The following DGKH variants were observed in gnomAD, a reference collection of about 807,000 sequenced individuals.
The protein encoded by DGKH is DAG kinase eta.
Under a neutral mutation model 159.3 loss-of-function variants are expected in DGKH, and 90 were observed. That is an observed-to-expected ratio of 0.57 (90% CI 0.48 to 0.67). The LOEUF is 0.67. Among genes scored for constraint, DGKH ranks in the 30% least tolerant of loss-of-function variants. The pLI, the probability that DGKH is intolerant of heterozygous loss-of-function variation, is 0.00. For missense variants in DGKH, 1,181 were observed against 1,506.1 expected, an observed-to-expected ratio of 0.78 and a Z score of 3.57; for synonymous variants, 536 against 553.8, an observed-to-expected ratio of 0.97 and a Z score of 0.45.
chr13:42,041,323 G>T (rs775623774), intron 1 of DGKH, among the ~76,000 whole-genome samples: 14 of 152,144 alleles, frequency 9.2e-5, no homozygotes, highest in Non-Finnish European at 1.9e-4. Context: ...CGCCCTGGTC[G>T]TCACCTGGGC....
At position 42,210,732 on chromosome 13, in the gene DGKH, T is replaced by C; in HGVS notation, c.2981T>C (p.Leu994Pro). 6.2e-7 allele frequency: 1 copy of C among 1,612,574 alleles called. No homozygotes were observed. The highest frequency in any genetic ancestry group is 8.5e-7 in the Non-Finnish European group (1 of 1,179,928). ...ACAGAAGAGGTGTCGCAGATGCAGC[T>C]ATGCTCCCAGGCTGCAGAGGAGCTC... ...LATEEVSQMQ[L>P]CSQAAEELIT... Residue 994 changes from leucine to proline, a missense_variant, in exon 24 of 30, where the codon CTA (leucine) becomes CCA (proline). By Grantham distance (98) the Leu-to-Pro change is moderately conservative. Coordinates refer to ENST00000337343, the MANE Select transcript of DGKH (RefSeq NM_178009.5).
Position 42,219,771 on chromosome 13 carries a change from A to G in DGKH, c.3419A>G (p.Lys1140Arg), listed in dbSNP as rs1228029937. Reference sequence around the variant, plus strand: ...AAGTTTAAAAAGGAAAAGGTTCAGAAGCAGAAGACAAGTTCACAGCCTGGT... The same window carrying G: ...AAGTTTAAAAAGGAAAAGGTTCAGAGGCAGAAGACAAGTTCACAGCCTGGT... ...VPKFKKEKVQ[K>R]QKTSSQPVQK... The change falls in exon 28 of 30, where the codon AAG becomes AGG. Residue 1140 changes from lysine to arginine, a missense_variant. By Grantham distance (26) the Lys-to-Arg change is conservative. This residue lies in a region of DGKH where 335 missense variants were observed against 495.2 expected (regional missense o/e 0.68). Coordinates refer to ENST00000337343, the MANE Select transcript of DGKH (RefSeq NM_178009.5). 1.2e-6 allele frequency: 2 copies of G among 1,613,550 alleles called. No individual in the cohort carries two copies. The highest frequency in any genetic ancestry group is 1.7e-5 in the Admixed American group (1 of 59,970).
chr13:42,102,106 G>A (rs1006295471), intron 1 of DGKH, among the ~76,000 whole-genome samples: 7 of 152,372 alleles, frequency 4.6e-5, no homozygotes, highest in South Asian at 2.1e-4. Flanking sequence ...GGGAAGGCAG[G>A]AAGGAAAGGG....
intron 1 of DGKH, among the ~76,000 whole-genome samples, chr13:42,098,246 G>A (rs1954583849): frequency 6.6e-6 from 1 of 152,158 alleles, no homozygotes; most frequent in African/African-American, 2.4e-5. Flanking sequence ...CAGTACTTTG[G>A]GAGGCCAAGG....
chr13:42,168,507 T>A lies in DGKH; in HGVS notation c.1186T>A (p.Trp396Arg). ...LVCGGDGSVGWVLSEIDKLNL... is the reference protein window; with the variant it reads ...LVCGGDGSVGRVLSEIDKLNL... The stretch of plus-strand genomic sequence containing the variant: ...TTGTGGAGGCGATGGAAGTGTAGGT[T>A]GGGTTTTGTCAGAAATCGATAAGCT... Residue 396 changes from tryptophan (W) to arginine (R), a missense_variant, in exon 10 of 30, where the codon TGG (tryptophan) becomes AGG (arginine). Transcript: ENST00000337343. 1 of 1,614,200 alleles carries A rather than the reference T, an allele frequency of 6.2e-7. No homozygotes were observed. Among genetic ancestry groups the A allele is most frequent in the Non-Finnish European group, 8.5e-7 (1 of 1,180,024 alleles).
At chr13:42,245,714 T>A (rs1958575840), downstream of DGKH, among the ~76,000 whole-genome samples, 2 of 152,024 alleles carry the variant, frequency 1.3e-5, no homozygotes, top group African/African-American at 4.8e-5. Context: ...GCCTCCCAAG[T>A]AGCTAGGACT....
chr13:42,191,195 A>G (rs1417183518), intron 16 of DGKH, among the ~76,000 whole-genome samples: 1 of 152,224 alleles, frequency 6.6e-6, no homozygotes, highest in African/African-American at 2.4e-5. Context: ...AAAAGTTTCT[A>G]ACGTACTGGA....
At chr13:42,073,466 A>G (rs1279505223) in intron 1 of DGKH, among the ~76,000 whole-genome samples, 3 of 152,190 alleles carry the variant, frequency 2.0e-5, no homozygotes, top group African/African-American at 7.2e-5. Flanking sequence ...GAATGCCCAT[A>G]CAACTATTCT....
At chr13:42,063,635 T>C (rs967147591) in intron 1 of DGKH, among the ~76,000 whole-genome samples, 10 of 152,068 alleles carry the variant, frequency 6.6e-5, no homozygotes, top group Admixed American at 5.9e-4. Flanking sequence ...GAAATGACTT[T>C]TTTAGGAGAA....
At chr13:42,095,039 G>A (rs1374817547) in intron 1 of DGKH, among the ~76,000 whole-genome samples, 1 of 152,052 alleles carries the variant, frequency 6.6e-6, no homozygotes, top group Non-Finnish European at 1.5e-5. Flanking sequence ...GGCCATGGAA[G>A]GAGCGGTGGG....
chr13:42,209,008 T>C lies in DGKH; in HGVS notation c.2651T>C (p.Ile884Thr), dbSNP rs1280412250. Reference protein sequence around the residue: ...FDDKILEVVAIFDSMQMAVSR... With the variant: ...FDDKILEVVATFDSMQMAVSR... ...GACAAGATCCTGGAAGTTGTAGCAA[T>C]ATTTGATAGCATGCAAATGGCAGTT... The change falls in exon 22 of 30, where the codon ATA becomes ACA. Residue 884 changes from isoleucine to threonine, a missense_variant. Physicochemically the swap from Ile to Thr is moderately conservative, Grantham distance 89 (BLOSUM62 -1). Transcript: ENST00000337343. The C allele has an allele frequency of 6.2e-7, 1 of 1,613,104 alleles. No homozygotes were observed. The highest frequency in any genetic ancestry group is 8.5e-7 in the Non-Finnish European group (1 of 1,179,562).
intron 1 of DGKH, among the ~76,000 whole-genome samples, chr13:42,057,956 G>T (rs1485603203): frequency 6.6e-6 from 1 of 152,014 alleles, no homozygotes; most frequent in Admixed American, 6.6e-5. Context: ...GAAGGGGGTT[G>T]GGGGGAACCA....
chr13:42,080,956 A>G (rs1954188518), intron 1 of DGKH, among the ~76,000 whole-genome samples: 1 of 152,216 alleles, frequency 6.6e-6, no homozygotes, highest in Non-Finnish European at 1.5e-5. Flanking sequence ...TCAGAGAAGT[A>G]AGTGACCTAG....
downstream of DGKH, among the ~76,000 whole-genome samples, chr13:42,247,776 A>T (rs2324862): frequency 1.0e-3 from 155 of 152,254 alleles, 1 homozygote; most frequent in South Asian, 0.012. Flanking sequence ...GGTTTTTTTT[A>T]AAAAAGTTTA....
At position 42,070,863 on chromosome 13, in the gene DGKH, A is replaced by G; in HGVS notation, c.192+21898A>G. On this transcript the variant is annotated intron_variant, in intron 1 of 29. Transcript: ENST00000337343. ...GACCAGGAATTTCAAACACTTTCACAATGTTATCATGGTCAAGTCTTCTAA... is the reference window on the plus strand; with the variant it reads ...GACCAGGAATTTCAAACACTTTCACGATGTTATCATGGTCAAGTCTTCTAA... 3.8e-6 allele frequency: 5 copies of G among 1,301,910 alleles called. No homozygotes were observed. The Admixed American group carries it at 5.1e-5, about 13-fold the overall frequency. 80.6% of individuals were successfully genotyped at this position (1,301,910 alleles called of 1,614,324 possible).
At chr13:42,044,686 A>G (rs1459215159), upstream of DGKH, among the ~76,000 whole-genome samples, 1 of 152,224 alleles carries the variant, frequency 6.6e-6, no homozygotes, top group Non-Finnish European at 1.5e-5. Flanking sequence ...AACCATTTAA[A>G]TAAACGATCA....
intron 17 of DGKH, 58 bp from the exon 18 acceptor site, chr13:42,198,420 G>A (rs1348504389): frequency 1.3e-6 from 2 of 1,493,448 alleles, no homozygotes; most frequent in African/African-American, 2.8e-5. Flanking sequence ...GGATGGACTG[G>A]TTCTTTCTGT....
chr13:42,188,970 T>C, intron 14 of DGKH, 66 bp from the exon 15 acceptor site: 1 of 1,540,170 alleles, frequency 6.5e-7, no homozygotes, highest in Non-Finnish European at 8.8e-7. Flanking sequence ...TAAAAATTTC[T>C]TGTACTTTGT....
chr13:42,196,189 TG>T (rs1358997475), intron 17 of DGKH, among the ~76,000 whole-genome samples: 5 of 152,210 alleles, frequency 3.3e-5, no homozygotes, highest in African/African-American at 1.2e-4. Flanking sequence ...AGAACTTTCA[TG>T]CATTGGTGGT....
Sources: allele counts gnomAD v4.1 joint callset (sites outside exome capture counted in the v4.1 genomes callset), GRCh38; gene constraint gnomAD v4.1.1; regional missense constraint gnomAD v4.1.1; transcripts MANE v1.5; gene names NCBI Gene and HGNC (gene_info 2026-07-23, HGNC 2026-07-21).